The following DNAH11 variants were observed in gnomAD, a reference collection of about 807,000 sequenced individuals.
DNAH11 encodes the protein dynein axonemal heavy chain 11, also known as axonemal beta dynein heavy chain 11.
In DNAH11, 442 loss-of-function variants were observed where a neutral mutation model predicts 526.0. That is an observed-to-expected ratio of 0.84 (90% CI 0.78 to 0.91). The LOEUF is 0.91. DNAH11 is among the 40% of genes least tolerant of loss of function. The pLI, the probability that DNAH11 is intolerant of heterozygous loss-of-function variation, is 0.00. For missense variants in DNAH11, 6,989 were observed against 5,448.7 expected (o/e 1.28, Z -8.90); for synonymous variants, 2,461 against 1,935.9 (o/e 1.27, Z -7.12).
At chr7:21,777,189 A>G (rs920555171) in intron 56 of DNAH11, among the ~76,000 whole-genome samples, 3 of 152,098 alleles carry the variant, frequency 2.0e-5, no homozygotes, top group African/African-American at 7.2e-5. Context: ...ATATGTAACC[A>G]TTGGGTATTG....
intron 48 of DNAH11, among the ~76,000 whole-genome samples, chr7:21,740,055 G>A (rs1785808575): frequency 6.6e-6 from 1 of 151,954 alleles, no homozygotes; most frequent in South Asian, 2.1e-4. Context: ...ACGTTCCAGG[G>A]GCTTTTGACA....
intron 30 of DNAH11, among the ~76,000 whole-genome samples, chr7:21,664,066 T>C (rs774208488): frequency 6.6e-6 from 1 of 151,880 alleles, no homozygotes; most frequent in Non-Finnish European, 1.5e-5. Flanking sequence ...GATTCCCTTT[T>C]TAAGCACTTC....
chr7:21,553,070 A>ATTTTTTTTTTTTT (rs35121910), intron 2 of DNAH11, among the ~76,000 whole-genome samples: 2 of 66,768 alleles, frequency 3.0e-5, no homozygotes, highest in African/African-American at 1.5e-4. Flanking sequence ...TATAAATGGG[A>ATTTTTTTTTTTTT]TTTTTTTTTT....
At chr7:21,598,956 A>G (rs1784967717) in intron 14 of DNAH11, among the ~76,000 whole-genome samples, 1 of 152,180 alleles carries the variant, frequency 6.6e-6, no homozygotes, top group Non-Finnish European at 1.5e-5. Context: ...CCATGTATAC[A>G]CGTACCACAT....
At chr7:21,616,030 G>A (rs978879518) in intron 21 of DNAH11, among the ~76,000 whole-genome samples, 179 bp from the exon 22 acceptor site, 1 of 152,150 alleles carries the variant, frequency 6.6e-6, no homozygotes, top group Non-Finnish European at 1.5e-5. Flanking sequence ...AGCTTGACGT[G>A]TTCTGACAAC....
chr7:21,767,397 C>G (rs188095395), intron 55 of DNAH11, among the ~76,000 whole-genome samples: 19 of 152,226 alleles, frequency 1.2e-4, no homozygotes, highest in Non-Finnish European at 2.2e-4. Flanking sequence ...AGGCTTTTTC[C>G]TGTCCAGGTG....
rs960075627 is a variant in DNAH11 at position 21,620,002 on chromosome 7, A to G, written c.4424A>G (p.Tyr1475Cys). 5 of 1,609,450 alleles carry G rather than the reference A, an allele frequency of 3.1e-6. No homozygotes were observed. Among genetic ancestry groups the G allele is most frequent in the Non-Finnish European group, 4.2e-6 (5 of 1,178,492 alleles). Reference protein sequence around the residue: ...SQTWATMKFSYEVHYRTGIPL... With the variant: ...SQTWATMKFSCEVHYRTGIPL... ...ACCTGGGCAACCATGAAGTTTTCTT[A>G]CGAAGTTCACTATCGAACAGGCATT... is the stretch of plus-strand genomic sequence containing the variant. The change falls in exon 25 of 82, where the codon TAC (tyrosine) becomes TGC (cysteine). Residue 1475 changes from tyrosine (Y) to cysteine (C), a missense_variant. Physicochemically the swap from Tyr to Cys is radical, Grantham distance 194. Transcript: ENST00000409508.
intron 73 of DNAH11, among the ~76,000 whole-genome samples, chr7:21,873,056 A>G (rs1283964405): frequency 6.6e-6 from 1 of 150,940 alleles, no homozygotes; most frequent in Non-Finnish European, 1.5e-5. Context: ...TTGATTGGGA[A>G]CATTTAATAT....
At chr7:21,833,731 AAAT>A (rs2128010347) in intron 65 of DNAH11, among the ~76,000 whole-genome samples, 1 of 152,180 alleles carries the variant, frequency 6.6e-6, no homozygotes, top group South Asian at 2.1e-4. Flanking sequence ...ATAAAATAAA[AAAT>A]CACAGGATGC....
intron 66 of DNAH11, among the ~76,000 whole-genome samples, chr7:21,845,026 T>C (rs559845145): frequency 2.9e-4 from 44 of 152,338 alleles, no homozygotes; most frequent in African/African-American, 1.0e-3. Context: ...AGGGACCGTG[T>C]CTGTAATCAA....
Position 21,545,029 on chromosome 7 carries a change from A to G in DNAH11, c.375A>G (p.Lys125=), listed in dbSNP as rs1782752341. ...AGATTCCAAGAGATGCAAACCATAAACTTGTTTTTATTTCCAAGAAGATTA... is the reference window on the plus strand; with the variant it reads ...AGATTCCAAGAGATGCAAACCATAAGCTTGTTTTTATTTCCAAGAAGATTA... ...SQEIPRDANH[K]LVFISKKITE... Residue 125 remains lysine (K), a synonymous_variant, in exon 2 of 82, where the codon AAA becomes AAG. Coordinates refer to ENST00000409508, the MANE Select transcript of DNAH11 (RefSeq NM_001277115.2). The G allele has an allele frequency of 1.3e-6, 2 of 1,593,498 alleles. No individual in the cohort carries two copies. Among genetic ancestry groups the G allele is most frequent in the African/African-American group, 1.3e-5 (1 of 74,448 alleles).
chr7:21,813,092 C>G (rs1789606533), intron 63 of DNAH11, among the ~76,000 whole-genome samples: 1 of 152,110 alleles, frequency 6.6e-6, no homozygotes, highest in Non-Finnish European at 1.5e-5. Flanking sequence ...AGGGTAGTGG[C>G]TGAAAAGGAC....
chr7:21,809,952 G>A (rs1298145404), intron 63 of DNAH11, among the ~76,000 whole-genome samples: 1 of 152,134 alleles, frequency 6.6e-6, no homozygotes, highest in East Asian at 1.9e-4. Context: ...AATTAATTAT[G>A]TAAACTTTAG....
chr7:21,544,196 C>T (rs1010386596), intron 1 of DNAH11, among the ~76,000 whole-genome samples: 3 of 152,126 alleles, frequency 2.0e-5, no homozygotes, highest in African/African-American at 7.2e-5. Context: ...AAAAGGTTAA[C>T]GTATCACCTA....
At chr7:21,723,306 C>G (rs567692333) in intron 44 of DNAH11, among the ~76,000 whole-genome samples, 2 of 152,292 alleles carry the variant, frequency 1.3e-5, no homozygotes, top group East Asian at 3.9e-4. Context: ...GGAACTGAAG[C>G]TTAGAAAGGT....
At chr7:21,681,452 A>G (rs995394003) in intron 30 of DNAH11, 94 bp from the exon 31 acceptor site, 10 of 1,356,506 alleles carry the variant, frequency 7.4e-6, no homozygotes, top group Non-Finnish European at 9.0e-6. Context: ...TTGTTTTGCA[A>G]ACTAAATCAG....
chr7:21,578,159 C>T (rs1464832144), intron 8 of DNAH11, among the ~76,000 whole-genome samples: 1 of 152,112 alleles, frequency 6.6e-6, no homozygotes, highest in East Asian at 1.9e-4. Flanking sequence ...AACTCACTGT[C>T]ATGAGAACAA....
chr7:21,742,265 G>A, intron 49 of DNAH11, 99 bp downstream of exon 49: 23 of 1,339,752 alleles, frequency 1.7e-5, no homozygotes, highest in Non-Finnish European at 2.3e-5. Flanking sequence ...AACACCTGAG[G>A]CTAGGTAATT....
rs371654954 is a variant in DNAH11, at chr7:21,564,245, T to C, written c.1042T>C (p.Cys348Arg). 1.9e-5 allele frequency: 31 copies of C among 1,613,196 alleles called. No individual in the cohort carries two copies. The African/African-American group carries it at 3.9e-4, about 20-fold the overall frequency. Residue 348 changes from cysteine to arginine, a missense_variant, in exon 6 of 82, where the codon TGT (cysteine) becomes CGT (arginine). Physicochemically the swap from Cys to Arg is radical, Grantham distance 180. Transcript: ENST00000409508. ...GAGACCTCTGAGGAGACACATCCAG[T>C]GTCTCCAGGAGACGGAATTCCCACA... ...YLRPLRRHIQ[C>R]LQETEFPQTR...
Sources: allele counts gnomAD v4.1 joint callset (sites outside exome capture counted in the v4.1 genomes callset), GRCh38; gene constraint gnomAD v4.1.1; transcripts MANE v1.5; gene names NCBI Gene and HGNC (gene_info 2026-07-23, HGNC 2026-07-21).